The following CHST8 variants were observed in gnomAD, a reference collection of about 807,000 sequenced individuals.
CHST8 encodes carbohydrate sulfotransferase 8.
CHST8 carries 10 observed loss-of-function variants against 15.0 expected under a neutral mutation model. The observed-to-expected ratio is 0.67, with a 90% CI of 0.41 to 1.13. CHST8 has a LOEUF of 1.13. Ranked by LOEUF, CHST8 falls within the 50% of genes most tolerant of loss-of-function variation. The pLI, the probability that CHST8 is intolerant of heterozygous loss-of-function variation, is 0.00. For missense variants in CHST8, 634 were observed against 608.2 expected (o/e 1.04, Z -0.45); for synonymous variants, 259 against 256.6 (o/e 1.01, Z -0.09).
At chr19:33,763,884 GAGA>G (rs202149881) in intron 3 of CHST8, among the ~76,000 whole-genome samples, 3,156 of 152,328 alleles carry the variant, frequency 0.021, 53 homozygotes, top group Non-Finnish European at 0.027. Context: ...AGAGGAGCCA[GAGA>G]AGGTGTGGCC....
chr19:33,668,591 C>A (rs1972693920), intron 2 of CHST8, among the ~76,000 whole-genome samples: 1 of 151,996 alleles, frequency 6.6e-6, no homozygotes, highest in Non-Finnish European at 1.5e-5. Flanking sequence ...GACCCTCTGG[C>A]AAGTGTATGA....
At chr19:33,691,353 C>T (rs184906658) in intron 3 of CHST8, among the ~76,000 whole-genome samples, 12 of 152,304 alleles carry the variant, frequency 7.9e-5, no homozygotes, top group African/African-American at 2.9e-4. Context: ...GCAGCCAGAC[C>T]ACCCTCACCA....
chr19:33,652,231 CTCTG>C (rs1232520745), intron 1 of CHST8, among the ~76,000 whole-genome samples: 1 of 151,916 alleles, frequency 6.6e-6, no homozygotes, highest in Non-Finnish European at 1.5e-5. Flanking sequence ...TACAAAACAA[CTCTG>C]TCTTTGTTAT....
chr19:33,650,201 G>A (rs144164927), intron 1 of CHST8, among the ~76,000 whole-genome samples: 1 of 152,188 alleles, frequency 6.6e-6, no homozygotes, highest in East Asian at 1.9e-4. Flanking sequence ...TAGCAAGGGA[G>A]AGGTGTGTGT....
At chr19:33,671,984 G>A (rs1256868269) in intron 2 of CHST8, among the ~76,000 whole-genome samples, 1 of 151,922 alleles carries the variant, frequency 6.6e-6, no homozygotes. Flanking sequence ...GGTGATGAAT[G>A]TGCTGGTTCT....
chr19:33,694,642 T>C (rs1973176010), intron 3 of CHST8, among the ~76,000 whole-genome samples: 1 of 152,150 alleles, frequency 6.6e-6, no homozygotes, highest in African/African-American at 2.4e-5. Context: ...TGCAGTGGCA[T>C]GATCTTGGCT....
chr19:33,752,792 T>C (rs1048987482), intron 3 of CHST8, among the ~76,000 whole-genome samples: 1 of 152,256 alleles, frequency 6.6e-6, no homozygotes, highest in Admixed American at 6.5e-5. Context: ...AATTAGGTGA[T>C]AAAAGGTTAT....
chr19:33,747,708 T>A (rs1974340972), intron 3 of CHST8, among the ~76,000 whole-genome samples: 1 of 152,232 alleles, frequency 6.6e-6, no homozygotes, highest in South Asian at 2.1e-4. Flanking sequence ...ATTCTGTTTC[T>A]GAAACTGGGT....
chr19:33,722,793 C>G (rs986581987), intron 3 of CHST8, among the ~76,000 whole-genome samples: 1 of 152,234 alleles, frequency 6.6e-6, no homozygotes, highest in Non-Finnish European at 1.5e-5. Flanking sequence ...ACCCACATCT[C>G]TCTTTTCTCC....
intron 1 of CHST8, among the ~76,000 whole-genome samples, chr19:33,640,846 G>A (rs955267323): frequency 6.6e-6 from 1 of 152,108 alleles, no homozygotes; most frequent in African/African-American, 2.4e-5. Flanking sequence ...GATGGCCAAG[G>A]TGCTGCTCTG....
intron 3 of CHST8, among the ~76,000 whole-genome samples, chr19:33,732,090 C>T (rs931263721): frequency 6.6e-6 from 1 of 152,286 alleles, no homozygotes; most frequent in Non-Finnish European, 1.5e-5. Context: ...AGCTGCATAC[C>T]GACTGTGCTC....
intron 3 of CHST8, among the ~76,000 whole-genome samples, chr19:33,746,026 G>T (rs1225894463): frequency 6.6e-6 from 1 of 152,162 alleles, no homozygotes; most frequent in African/African-American, 2.4e-5. Context: ...CTTATTCAAG[G>T]ATCATTGAAA....
intron 3 of CHST8, among the ~76,000 whole-genome samples, chr19:33,723,769 T>C (rs1160111683): frequency 6.6e-6 from 1 of 152,252 alleles, no homozygotes; most frequent in Non-Finnish European, 1.5e-5. Flanking sequence ...TCTCCTCTCG[T>C]GGGCTTCAGT....
chr19:33,772,071 C>A lies in CHST8; in HGVS notation c.283C>A (p.Pro95Thr). 6.2e-7 allele frequency: 1 copy of A among 1,612,538 alleles called. No homozygotes were observed. Among genetic ancestry groups the A allele is most frequent in the Non-Finnish European group, 8.5e-7 (1 of 1,179,828 alleles). The change falls in exon 5 of 5, where the codon CCT (proline) becomes ACT (threonine). Residue 95 changes from proline to threonine, a missense_variant. Transcript: ENST00000650847. ...RGRNLPAPDQ[P>T]QPPLQRGTRL... ...CCGCAACCTGCCAGCGCCTGACCAGCCTCAACCCCCGCTGCAGAGGGGAAC... is the reference window on the plus strand; with the variant it reads ...CCGCAACCTGCCAGCGCCTGACCAGACTCAACCCCCGCTGCAGAGGGGAAC...
At chr19:33,688,154 C>T (rs926224251) in intron 2 of CHST8, among the ~76,000 whole-genome samples, 2 of 152,154 alleles carry the variant, frequency 1.3e-5, no homozygotes, top group African/African-American at 4.8e-5. Context: ...TGGCTCTCTC[C>T]CCCTGTACTC....
intron 1 of CHST8, among the ~76,000 whole-genome samples, chr19:33,641,799 G>A (rs551246392): frequency 6.6e-6 from 1 of 152,298 alleles, no homozygotes; most frequent in African/African-American, 2.4e-5. Context: ...GACTCCCGCT[G>A]TCATCGCAGA....
chr19:33,765,205 G>A (rs1974809546), intron 3 of CHST8, among the ~76,000 whole-genome samples: 1 of 151,826 alleles, frequency 6.6e-6, no homozygotes, highest in African/African-American at 2.4e-5. Flanking sequence ...TGAAGACGAA[G>A]CAGAGATTGA....
At chr19:33,652,913 A>G (rs1972467994) in intron 1 of CHST8, among the ~76,000 whole-genome samples, 3 of 152,204 alleles carry the variant, frequency 2.0e-5, no homozygotes, top group Admixed American at 6.5e-5. Flanking sequence ...AAAAATGTCT[A>G]CTTTCCTCCA....
At chr19:33,751,150 T>C (rs761077980) in intron 3 of CHST8, among the ~76,000 whole-genome samples, 58 of 152,166 alleles carry the variant, frequency 3.8e-4, no homozygotes, top group Non-Finnish European at 6.5e-4. Flanking sequence ...CCAGCAGATG[T>C]TGGGGATGGC....
Sources: allele counts gnomAD v4.1 joint callset (sites outside exome capture counted in the v4.1 genomes callset), GRCh38; gene constraint gnomAD v4.1.1; transcripts MANE v1.5; gene names NCBI Gene and HGNC (gene_info 2026-07-23, HGNC 2026-07-21).